LRRC7: variants seen among roughly 807,000 people sequenced by gnomAD.
LRRC7 encodes the protein leucine-rich repeat-containing protein 7.
In LRRC7, 23 loss-of-function variants were observed where a neutral mutation model predicts 175.7. That is an observed-to-expected ratio of 0.13 (90% CI 0.09 to 0.19). The LOEUF (loss-of-function observed/expected upper bound fraction) is 0.19. Among genes scored for constraint, LRRC7 ranks in the 10% least tolerant of loss-of-function variants. The pLI is 1.00. For synonymous variants in LRRC7, 685 were observed against 680.9 expected, an observed-to-expected ratio of 1.01 and a Z score of -0.09; for missense variants, 1,354 against 1,904.7, an observed-to-expected ratio of 0.71 and a Z score of 5.38.
At chr1:70,032,092 C>T (rs954340291) in intron 18 of LRRC7, among the ~76,000 whole-genome samples, 1 of 152,154 alleles carries the variant, frequency 6.6e-6, no homozygotes, top group Non-Finnish European at 1.5e-5. Flanking sequence ...CCACCGCTCC[C>T]GGCCAAGGAT....
chr1:69,781,104 C>G (rs1284562950), intron 3 of LRRC7, among the ~76,000 whole-genome samples: 1 of 152,230 alleles, frequency 6.6e-6, no homozygotes, highest in East Asian at 1.9e-4. Flanking sequence ...TAATAAAATG[C>G]TAATCCAAAT....
rs148106702 is a variant in LRRC7, at chr1:69,753,180, C to T, written c.101-7011C>T. 1.8e-3 allele frequency among the ~76,000 whole-genome samples: 279 copies of T among 152,076 alleles called. 1 individual carries two copies. Among genetic ancestry groups the T allele is most frequent in the African/African-American group, 6.2e-3 (258 of 41,510 alleles). ...CCATTCCACCATATTGTATGCTCAT[C>T]CTTTTGATATTAAAAGATCACTGGA... On this transcript the variant is annotated intron_variant, in intron 2 of 26. Coordinates refer to ENST00000651989, the MANE Select transcript of LRRC7 (RefSeq NM_001370785.2).
Position 69,717,787 on chromosome 1 carries a change from AAAG to A in LRRC7, c.100+39312_100+39314del, listed in dbSNP as rs1557640516. Among the ~76,000 whole-genome samples the A allele has an allele frequency of 2.2e-4, 6 of 27,890 alleles. 1 individual carries two copies. The Admixed American group carries it at 2.3e-3, about 10-fold the overall frequency. The allele number at this position is 27,890 out of a possible 152,430, so 18.3% of individuals were successfully genotyped here. On this transcript the variant is annotated intron_variant, in intron 2 of 26. Coordinates refer to ENST00000651989, the MANE Select transcript of LRRC7 (RefSeq NM_001370785.2). Reference sequence around the variant, plus strand: ...AAAAGAAAAAAAGAAAGAAAGAAAGAAAGAAAGAAAGAAAGAAAGAAAGAAAGA... The same window carrying A: ...AAAAGAAAAAAAGAAAGAAAGAAAGAAAAGAAAGAAAGAAAGAAAGAAAGA...
chr1:70,142,454 TTGAC>T lies in LRRC7; in HGVS notation c.*20568_*20571del, dbSNP rs1558101448. The T allele has an allele frequency of 6.6e-6, 1 of 152,114 alleles. No individual in the cohort carries two copies. Among genetic ancestry groups the T allele is most frequent in the African/African-American group, 2.4e-5 (1 of 41,440 alleles). 9.4% of individuals were successfully genotyped at this position (152,114 alleles called of 1,614,324 possible). A position where few individuals can be genotyped will look rare whatever the true frequency, so the allele number is the denominator to read the frequency against. The stretch of plus-strand genomic sequence containing the variant: ...CTGTTTGAAATGAAGAGAAAGGTAA[TTGAC>T]AGATAAACAGATAGTTTTTGTTTGA... On this transcript the variant is annotated 3_prime_UTR_variant, in exon 27 of 27. Coordinates refer to ENST00000651989, the MANE Select transcript of LRRC7 (RefSeq NM_001370785.2).
intron 1 of LRRC7, among the ~76,000 whole-genome samples, chr1:69,676,304 C>G (rs903908034): frequency 2.6e-5 from 4 of 151,992 alleles, no homozygotes; most frequent in Non-Finnish European, 5.9e-5. Flanking sequence ...CCAGTATACC[C>G]GTAATAATCA....
intron 1 of LRRC7, among the ~76,000 whole-genome samples, chr1:69,644,786 A>G (rs944840830): frequency 3.3e-5 from 5 of 152,000 alleles, no homozygotes; most frequent in African/African-American, 7.2e-5. Context: ...AAAAAAATGC[A>G]TCATTAACAG....
At chr1:69,634,563 C>G (rs1653019885) in intron 1 of LRRC7, among the ~76,000 whole-genome samples, 1 of 152,052 alleles carries the variant, frequency 6.6e-6, no homozygotes, top group African/African-American at 2.4e-5. Flanking sequence ...CTATTGAAAC[C>G]TTGTAACTTT....
intron 25 of LRRC7, among the ~76,000 whole-genome samples, chr1:70,092,780 G>A (rs1367665262): frequency 6.6e-6 from 1 of 152,050 alleles, no homozygotes; most frequent in Admixed American, 6.6e-5. Flanking sequence ...AACACTTAGG[G>A]CAGCCCAAAA....
chr1:69,892,890 A>G (rs773604364), intron 7 of LRRC7, among the ~76,000 whole-genome samples: 8 of 152,176 alleles, frequency 5.3e-5, no homozygotes, highest in Non-Finnish European at 7.4e-5. Flanking sequence ...TACAGAGTAT[A>G]GTTTTGCTTG....
intron 18 of LRRC7, among the ~76,000 whole-genome samples, chr1:70,030,848 A>G (rs1658642118): frequency 6.6e-6 from 1 of 152,234 alleles, no homozygotes; most frequent in Non-Finnish European, 1.5e-5. Context: ...TGCCAACTAG[A>G]TGCCAATAGT....
chr1:69,983,521 C>A (rs1653642372), intron 9 of LRRC7, among the ~76,000 whole-genome samples: 1 of 152,212 alleles, frequency 6.6e-6, no homozygotes, highest in Non-Finnish European at 1.5e-5. Context: ...GCTCTCCAGC[C>A]TTCTTCAGAA....
chr1:70,016,464 G>T lies in LRRC7; in HGVS notation c.1251-1G>T. On this transcript the variant is annotated splice_acceptor_variant, in intron 13 of 26. Transcript: ENST00000651989. LOFTEE classifies it high-confidence loss of function. ...CTATTAGACTTTTTGTGTTTTTGCAGATTGAAGAATTTACCATTCTCATTT... is the reference window on the plus strand; with the variant it reads ...CTATTAGACTTTTTGTGTTTTTGCATATTGAAGAATTTACCATTCTCATTT... 6.3e-7 allele frequency: 1 copy of T among 1,578,120 alleles called. No homozygotes were observed.
At chr1:69,922,663 T>G (rs1646926787) in intron 7 of LRRC7, among the ~76,000 whole-genome samples, 1 of 152,138 alleles carries the variant, frequency 6.6e-6, no homozygotes, top group African/African-American at 2.4e-5. Flanking sequence ...AGCTTACAAC[T>G]TCTAAAACTA....
chr1:69,735,113 G>A (rs1406292259), intron 2 of LRRC7, among the ~76,000 whole-genome samples: 1 of 151,778 alleles, frequency 6.6e-6, no homozygotes, highest in African/African-American at 2.4e-5. Context: ...CCTAAATTAA[G>A]GACAGTCTTT....
intron 3 of LRRC7, among the ~76,000 whole-genome samples, chr1:69,780,608 T>C (rs575921473): frequency 6.6e-6 from 1 of 152,246 alleles, no homozygotes; most frequent in South Asian, 2.1e-4. Flanking sequence ...TAAAACCATT[T>C]TTACTCTCTT....
At chr1:69,824,303 G>A (rs1456828340) in intron 4 of LRRC7, among the ~76,000 whole-genome samples, 16 of 152,072 alleles carry the variant, frequency 1.1e-4, no homozygotes, top group Admixed American at 1.0e-3. Context: ...GAATTTTATG[G>A]GAAAATGTTA....
At chr1:69,731,665 AT>A (rs527680290) in intron 2 of LRRC7, among the ~76,000 whole-genome samples, 163 of 152,338 alleles carry the variant, frequency 1.1e-3, no homozygotes, top group African/African-American at 3.5e-3. Flanking sequence ...TCACTTTGCT[AT>A]TGCAGAACCA....
At chr1:70,009,306 A>G (rs1025529531) in intron 11 of LRRC7, among the ~76,000 whole-genome samples, 1 of 151,334 alleles carries the variant, frequency 6.6e-6, no homozygotes, top group Non-Finnish European at 1.5e-5. Flanking sequence ...TGAGTGCATT[A>G]TATATGTAAG....
intron 7 of LRRC7, among the ~76,000 whole-genome samples, chr1:69,863,910 C>T (rs1461089276): frequency 6.6e-6 from 1 of 152,092 alleles, no homozygotes; most frequent in Non-Finnish European, 1.5e-5. Context: ...AAGATAATGG[C>T]CCTTCATGAC....
Sources: gnomAD v4.1 joint callset for allele counts (sites outside exome capture counted in the v4.1 genomes callset) on GRCh38, gnomAD v4.1.1 for gene constraint, MANE v1.5 for transcripts, NCBI Gene and HGNC (gene_info 2026-07-23, HGNC 2026-07-21) for gene names.